PKD2L2: variants seen among roughly 807,000 people sequenced by gnomAD.
PKD2L2 encodes the protein polycystin-2-like protein 2.
A neutral mutation model predicts 83.9 loss-of-function variants in PKD2L2; 67 were observed. The ratio of observed to expected loss-of-function variants is 0.80; its 90% CI spans 0.66 to 0.98. The LOEUF (loss-of-function observed/expected upper bound fraction) is 0.98. PKD2L2 is among the 50% of genes least tolerant of loss of function. The pLI, the probability that PKD2L2 is intolerant of heterozygous loss-of-function variation, is 0.00. For missense variants in PKD2L2, 632 were observed against 717.2 expected (o/e 0.88, Z 1.36); for synonymous variants, 223 against 237.8 (o/e 0.94, Z 0.57).
chr5:137,901,154 G>A (rs1034606154), intron 5 of PKD2L2, among the ~76,000 whole-genome samples: 4 of 151,048 alleles, frequency 2.6e-5, no homozygotes, highest in Non-Finnish European at 5.9e-5. Flanking sequence ...AAAAAAGAAA[G>A]AAAGAAAGAA....
chr5:137,921,597 A>C, intron 8 of PKD2L2, 39 bp from the exon 9 acceptor site: 2 of 1,318,762 alleles, frequency 1.5e-6, no homozygotes, highest in South Asian at 1.2e-5. Flanking sequence ...ATGTATGTAC[A>C]TAAAGGTATA....
Position 137,942,591 on chromosome 5 carries a change from G to C in PKD2L2, c.*225G>C. On this transcript the variant is annotated 3_prime_UTR_variant, in exon 15 of 15. Coordinates refer to ENST00000508883, the MANE Select transcript of PKD2L2 (RefSeq NM_001300921.2). ...TTGCCCAGGCTGGTCTTGAACTCCT[G>C]GCCTCAAGGGATCCTCCTGCCTCAG... 1 of 348,964 alleles carries C rather than the reference G, an allele frequency of 2.9e-6. No homozygotes were observed. The highest frequency in any genetic ancestry group is 5.2e-6 in the Non-Finnish European group (1 of 194,024). The allele number at this position is 348,964 out of a possible 1,614,324, so 21.6% of individuals were successfully genotyped here. A position where few individuals can be genotyped will look rare whatever the true frequency, so the allele number is the denominator to read the frequency against.
intron 5 of PKD2L2, among the ~76,000 whole-genome samples, chr5:137,903,324 A>G (rs1757111440): frequency 6.6e-6 from 1 of 152,202 alleles, no homozygotes; most frequent in African/African-American, 2.4e-5. Context: ...AAAGAAATTC[A>G]TGTGTTTGAG....
At chr5:137,926,020 G>A (rs1225868529) in intron 12 of PKD2L2, 91 bp downstream of exon 12, 2 of 669,946 alleles carry the variant, frequency 3.0e-6, no homozygotes, top group Non-Finnish European at 5.3e-6. Context: ...GAAATGATTT[G>A]CTGTTTTTCA....
rs374595949 is a variant in PKD2L2, at chr5:137,925,047, A to C, written c.1559A>C (p.Lys520Thr). ...ATTTTAAATTATGCCCAGAGTTACA[A>C]AAATGTTCTCGAGAAATTCAGACTG... The part of the protein sequence containing the change: ...ELGKMIKQSY[K>T]NVLEKFRLKK... The change falls in exon 11 of 15, where the codon AAA becomes ACA. Residue 520 changes from lysine (K) to threonine (T), a missense_variant. Around this residue, in one of 3 missense-constraint regions of PKD2L2, gnomAD observed 399 missense variants for 416.9 expected, o/e 0.96. Coordinates refer to ENST00000508883, the MANE Select transcript of PKD2L2 (RefSeq NM_001300921.2). 1 of 1,590,478 alleles carries C rather than the reference A, an allele frequency of 6.3e-7. No individual in the cohort carries two copies. Among genetic ancestry groups the C allele is most frequent in the Non-Finnish European group, 8.6e-7 (1 of 1,158,996 alleles).
chr5:137,915,213 T>C (rs186395904), intron 8 of PKD2L2, among the ~76,000 whole-genome samples: 1 of 152,028 alleles, frequency 6.6e-6, no homozygotes, highest in Non-Finnish European at 1.5e-5. Context: ...CTTCTTTTCT[T>C]GTACTGTCTT....
At position 137,935,856 on chromosome 5, in the gene PKD2L2, T is replaced by C. The variant is rs779253084; in HGVS notation, c.1731T>C (p.Tyr577=). 6.2e-6 allele frequency: 10 copies of C among 1,611,684 alleles called. No homozygotes were observed. The highest frequency in any genetic ancestry group is 2.2e-5 in the East Asian group (1 of 44,876). Residue 577 remains tyrosine, a synonymous_variant, in exon 13 of 15, where the codon TAT becomes TAC. Coordinates refer to ENST00000508883, the MANE Select transcript of PKD2L2 (RefSeq NM_001300921.2). ...AAGAGAGGCTTGAGAAAAAGTATTATTCTATGGAAATTCAAGATGACTACC... is the reference window on the plus strand; with the variant it reads ...AAGAGAGGCTTGAGAAAAAGTATTACTCTATGGAAATTCAAGATGACTACC... ...KWKERLEKKY[Y]SMEIQDDYQP...
chr5:137,938,085 G>C (rs1043819100), intron 14 of PKD2L2: 2 of 152,056 alleles, frequency 1.3e-5, no homozygotes, highest in African/African-American at 4.8e-5. Context: ...GTTTTTATTT[G>C]TACCAAAGTA....
Position 137,925,949 on chromosome 5 carries a change from C to T in PKD2L2, c.1671+20C>T. 6.8e-7 allele frequency: 1 copy of T among 1,460,996 alleles called. No individual in the cohort carries two copies. Among genetic ancestry groups the T allele is most frequent in the Non-Finnish European group, 9.6e-7 (1 of 1,046,898 alleles). The allele number at this position is 1,460,996 out of a possible 1,614,324, so 90.5% of individuals were successfully genotyped here. A position where few individuals can be genotyped will look rare whatever the true frequency, so the allele number is the denominator to read the frequency against. ...GAAAATGTAAGATTTTAATTTTTTTCATAAACACTAGTGGTAGCTGTATTA... is the reference window on the plus strand; with the variant it reads ...GAAAATGTAAGATTTTAATTTTTTTTATAAACACTAGTGGTAGCTGTATTA... On this transcript the variant is annotated intron_variant, in intron 12 of 14. Transcript: ENST00000508883.
intron 8 of PKD2L2, among the ~76,000 whole-genome samples, chr5:137,911,569 T>C (rs1438344761): frequency 2.0e-5 from 3 of 152,212 alleles, no homozygotes; most frequent in Non-Finnish European, 4.4e-5. Context: ...ATATTTATGC[T>C]ATATGGTGTG....
intron 8 of PKD2L2, among the ~76,000 whole-genome samples, chr5:137,916,305 A>G (rs1236939565): frequency 1.3e-5 from 2 of 151,904 alleles, no homozygotes; most frequent in African/African-American, 2.4e-5. Context: ...TTTCCCAAGT[A>G]GCTGGGATTA....
In PKD2L2 at chr5:137,892,524, G is replaced by A. The variant is rs374120258; in HGVS notation, c.178G>A (p.Val60Ile). The part of the protein sequence containing the change: ...VNPHMYYLNK[V>I]MSSLFLDTSV... ...CCCACATATGTATTACTTAAACAAG[G>A]TTATGTCATCTCTATTTTTGGACAC... is the stretch of plus-strand genomic sequence containing the variant. The change falls in exon 3 of 15, where the codon GTT (valine) becomes ATT (isoleucine). Residue 60 changes from valine to isoleucine, a missense_variant. Val to Ile is a conservative substitution (Grantham distance 29). Transcript: ENST00000508883. 12 of 1,603,428 alleles carry A rather than the reference G, an allele frequency of 7.5e-6. No homozygotes were observed. Among genetic ancestry groups the A allele is most frequent in the Middle Eastern group, 1.6e-4 (1 of 6,066 alleles).
chr5:137,889,469 G>T lies in PKD2L2; in HGVS notation c.-23G>T. 1 of 1,585,024 alleles carries T rather than the reference G, an allele frequency of 6.3e-7. No individual in the cohort carries two copies. Among genetic ancestry groups the T allele is most frequent in the Non-Finnish European group, 8.6e-7 (1 of 1,168,188 alleles). On this transcript the variant is annotated 5_prime_UTR_variant, in exon 1 of 15. Transcript: ENST00000508883. ...GCGCCGCGGCCTCAGGCGAACGAAC[G>T]GGCGGTGTAGTGCAGGTCCGCCATG...
intron 12 of PKD2L2, 102 bp downstream of exon 12, chr5:137,926,031 G>A (rs1283241968): frequency 8.0e-6 from 5 of 627,904 alleles, no homozygotes; most frequent in African/African-American, 1.8e-5. Flanking sequence ...CTGTTTTTCA[G>A]AATAGTAATT....
intron 3 of PKD2L2, among the ~76,000 whole-genome samples, chr5:137,893,119 A>C (rs1241869081): frequency 6.6e-6 from 1 of 152,166 alleles, no homozygotes; most frequent in Non-Finnish European, 1.5e-5. Flanking sequence ...TCATTTGTTA[A>C]ATAGAAGACT....
At chr5:137,920,858 C>A (rs897020461) in intron 8 of PKD2L2, among the ~76,000 whole-genome samples, 1 of 151,952 alleles carries the variant, frequency 6.6e-6, no homozygotes, top group African/African-American at 2.4e-5. Flanking sequence ...TGTTGGCATC[C>A]CTATTTTATC....
At chr5:137,893,088 AT>A (rs1193989155) in intron 3 of PKD2L2, among the ~76,000 whole-genome samples, 2 of 152,000 alleles carry the variant, frequency 1.3e-5, no homozygotes, top group African/African-American at 2.4e-5. Flanking sequence ...ATTTTTTTTG[AT>A]TTTTTTAGAC....
In PKD2L2 at chr5:137,894,406, C is replaced by T. The variant is rs371424410; in HGVS notation, c.321C>T (p.Asn107=). 5.6e-6 allele frequency: 9 copies of T among 1,611,544 alleles called. No individual in the cohort carries two copies. The African/African-American group carries it at 9.3e-5, about 17-fold the overall frequency. The change falls in exon 4 of 15, where the codon AAC becomes AAT. Residue 107 remains asparagine, a synonymous_variant. Transcript: ENST00000508883. Reference sequence around the variant, plus strand: ...TGTACTGGGATTCATGGTACAATAACCAGCAGCTGTATAATTTAAAGAACA... The same window carrying T: ...TGTACTGGGATTCATGGTACAATAATCAGCAGCTGTATAATTTAAAGAACA... The part of the protein sequence containing the change: ...EGLYWDSWYN[N]QQLYNLKNSS...
chr5:137,925,287 C>T (rs963163145), intron 11 of PKD2L2, among the ~76,000 whole-genome samples, 183 bp downstream of exon 11: 3 of 152,206 alleles, frequency 2.0e-5, no homozygotes, highest in African/African-American at 2.4e-5. Context: ...GTTGGGATTA[C>T]AGGCGTGAGC....
Sources: allele counts gnomAD v4.1 joint callset (sites outside exome capture counted in the v4.1 genomes callset), GRCh38; gene constraint gnomAD v4.1.1; regional missense constraint gnomAD v4.1.1; transcripts MANE v1.5; gene names NCBI Gene and HGNC (gene_info 2026-07-23, HGNC 2026-07-21).